The following SCHIP1 variants were observed in gnomAD, a reference collection of about 807,000 sequenced individuals.
The protein encoded by SCHIP1 is schwannomin-interacting protein 1.
Under a neutral mutation model 29.7 loss-of-function variants are expected in SCHIP1, and 8 were observed. That is an observed-to-expected ratio of 0.27 (90% CI 0.16 to 0.49). SCHIP1 has a LOEUF of 0.49. Ranked by LOEUF, SCHIP1 falls within the 20% of genes least tolerant of loss-of-function variation. SCHIP1 has a pLI of 0.99. For synonymous variants in SCHIP1, 76 were observed against 94.9 expected (o/e 0.80, Z 1.16); for missense variants, 193 against 294.6 (o/e 0.66, Z 2.52).
chr3:159,280,820 C>A, the SCHIP1 span, among the ~76,000 whole-genome samples: 3 of 152,084 alleles, frequency 2.0e-5, no homozygotes, highest in Non-Finnish European at 4.4e-5. Context: ...TAAGCACTTG[C>A]GAAGGATGAA....
At chr3:159,362,024 T>C in the SCHIP1 span, among the ~76,000 whole-genome samples, 200 of 152,328 alleles carry the variant, frequency 1.3e-3, 1 homozygote, top group Non-Finnish European at 1.8e-3. Flanking sequence ...TCTTGGTATA[T>C]AGTTGGTGAA....
the SCHIP1 span, among the ~76,000 whole-genome samples, chr3:159,391,675 G>C: frequency 6.6e-6 from 1 of 152,174 alleles, no homozygotes; most frequent in Non-Finnish European, 1.5e-5. Flanking sequence ...GCATTATTCT[G>C]TTCCATCAGT....
the SCHIP1 span, among the ~76,000 whole-genome samples, chr3:159,383,458 T>C: frequency 6.6e-6 from 1 of 151,936 alleles, no homozygotes; most frequent in African/African-American, 2.4e-5. Flanking sequence ...TTCTGTTCCA[T>C]TGATCTATAT....
At chr3:159,615,558 C>G in the SCHIP1 span, among the ~76,000 whole-genome samples, 593 of 152,324 alleles carry the variant, frequency 3.9e-3, 6 homozygotes, top group African/African-American at 0.014. Flanking sequence ...TCACCTTGGA[C>G]TGAGAAGTCC....
chr3:159,332,313 A>T, the SCHIP1 span, among the ~76,000 whole-genome samples: 1 of 152,220 alleles, frequency 6.6e-6, no homozygotes, highest in South Asian at 2.1e-4. Context: ...CTGGCTTTAC[A>T]GGCAAAAATT....
the SCHIP1 span, among the ~76,000 whole-genome samples, chr3:159,627,810 C>T: frequency 6.6e-6 from 1 of 152,186 alleles, no homozygotes; most frequent in Admixed American, 6.5e-5. Flanking sequence ...TTTATTGAGG[C>T]AATGTCAATA....
At chr3:159,484,491 C>G in the SCHIP1 span, among the ~76,000 whole-genome samples, 1 of 152,112 alleles carries the variant, frequency 6.6e-6, no homozygotes, top group African/African-American at 2.4e-5. Flanking sequence ...CCTGTTGACA[C>G]CATAAGTTTT....
At chr3:159,764,182 A>C in the SCHIP1 span, 12 of 429,962 alleles carry the variant, frequency 2.8e-5, no homozygotes, top group East Asian at 4.2e-4. This position sits in a 1 kb window ranked among gnomAD's most constrained non-coding sequence, Gnocchi z 6.1. Flanking sequence ...TTGTATGAAA[A>C]GTGTGCGCGC....
At chr3:159,314,534 G>A in the SCHIP1 span, among the ~76,000 whole-genome samples, 3 of 152,124 alleles carry the variant, frequency 2.0e-5, no homozygotes, top group South Asian at 6.2e-4. Flanking sequence ...TCTCTTAATA[G>A]GGGAAAATAA....
chr3:159,352,344 C>T, the SCHIP1 span, among the ~76,000 whole-genome samples: 51 of 152,286 alleles, frequency 3.3e-4, no homozygotes, highest in African/African-American at 1.1e-3. Context: ...AATCCTCTTA[C>T]GTAGGTAGGT....
the SCHIP1 span, among the ~76,000 whole-genome samples, chr3:159,343,411 G>A: frequency 1.3e-5 from 2 of 152,234 alleles, no homozygotes; most frequent in Admixed American, 1.3e-4. Flanking sequence ...GATCGTAGGA[G>A]TGTAGGAAAG....
At chr3:159,351,182 G>A in the SCHIP1 span, among the ~76,000 whole-genome samples, 4 of 152,216 alleles carry the variant, frequency 2.6e-5, no homozygotes, top group Non-Finnish European at 5.9e-5. Flanking sequence ...GTAGAGCTGA[G>A]GATATACAAA....
At chr3:159,282,547 G>C in the SCHIP1 span, 1 of 150,962 alleles carries the variant, frequency 6.6e-6, no homozygotes, top group Non-Finnish European at 1.5e-5. Flanking sequence ...TTTGAAAACT[G>C]GTTTCAACTT....
At chr3:159,605,293 C>T in the SCHIP1 span, among the ~76,000 whole-genome samples, 1 of 152,238 alleles carries the variant, frequency 6.6e-6, no homozygotes, top group African/African-American at 2.4e-5. Flanking sequence ...TTAAATTTCA[C>T]AGTGCCACAT....
the SCHIP1 span, among the ~76,000 whole-genome samples, chr3:159,772,593 T>G: frequency 6.6e-6 from 1 of 152,226 alleles, no homozygotes; most frequent in Non-Finnish European, 1.5e-5. Flanking sequence ...TCTGGTTGGT[T>G]AATGTATTTT....
chr3:159,522,438 G>C, the SCHIP1 span, among the ~76,000 whole-genome samples: 9 of 152,270 alleles, frequency 5.9e-5, no homozygotes, highest in African/African-American at 2.2e-4. Flanking sequence ...TCCAAGGTTT[G>C]TTTTATTTAA....
At chr3:159,538,512 T>C in the SCHIP1 span, among the ~76,000 whole-genome samples, 1 of 152,168 alleles carries the variant, frequency 6.6e-6, no homozygotes, top group Non-Finnish European at 1.5e-5. Flanking sequence ...TCTCCTCTTG[T>C]GTGACAGTAG....
At chr3:159,817,312 C>T in the SCHIP1 span, among the ~76,000 whole-genome samples, 1 of 151,556 alleles carries the variant, frequency 6.6e-6, no homozygotes, top group Non-Finnish European at 1.5e-5. Context: ...GGTGGGGTGG[C>T]GGGCTGCGGG....
At chr3:159,856,341 C>T (rs1157541886) in intron 1 of SCHIP1, among the ~76,000 whole-genome samples, 1 of 152,154 alleles carries the variant, frequency 6.6e-6, no homozygotes, top group Non-Finnish European at 1.5e-5. Flanking sequence ...CTACATGGAA[C>T]TGATGCTGCC....
Sources: gnomAD v4.1 joint callset for allele counts (sites outside exome capture counted in the v4.1 genomes callset) on GRCh38, gnomAD v4.1.1 for gene constraint, Gnocchi (gnomAD v3.1) non-coding constraint, MANE v1.5 for transcripts, NCBI Gene and HGNC (gene_info 2026-07-23, HGNC 2026-07-21) for gene names.